The following IL18BP variants were observed in gnomAD, a reference collection of about 807,000 sequenced individuals.
The protein encoded by IL18BP is interleukin 18 binding protein.
A neutral mutation model predicts 19.9 loss-of-function variants in IL18BP; 23 were observed. The ratio of observed to expected loss-of-function variants is 1.15; its 90% confidence interval spans 0.83 to 1.64. The LOEUF (loss-of-function observed/expected upper bound fraction) is 1.64. Ranked by LOEUF, IL18BP falls within the 40% of genes most tolerant of loss-of-function variation. The pLI is 0.00. For synonymous variants in IL18BP, 107 were observed against 101.0 expected (o/e 1.06, Z -0.35); for missense variants, 239 against 240.7 (o/e 0.99, Z 0.05).
chr11:72,005,219 A>G (rs757631761), downstream of IL18BP: 1 of 1,572,888 alleles, frequency 6.4e-7, no homozygotes, highest in African/African-American at 1.4e-5. Flanking sequence ...CTGCACAGTG[A>G]CCCCAGGCCT....
Position 71,999,790 on chromosome 11 carries a change from A to AC in IL18BP, c.-58-130dup, listed in dbSNP as rs541026021. ...TGGGGTGGGGAAGGATTGTCACTTG[A>AC]CCCCCCCAGCTCTGTTTCTAAGTGC... On this transcript the variant is annotated intron_variant, in intron 1 of 5. Transcript: ENST00000393703. 5.4e-4 allele frequency: 320 copies of AC among 596,958 alleles called. 2 individuals are homozygous for AC. In the East Asian group the frequency reaches 6.0e-3, roughly 11 times the overall value. 37.0% of individuals were successfully genotyped at this position (596,958 alleles called of 1,614,324 possible). A position where few individuals can be genotyped will look rare whatever the true frequency, so the allele number is the denominator to read the frequency against.
downstream of IL18BP, chr11:72,003,199 G>A (rs1955379681): frequency 2.4e-6 from 1 of 419,714 alleles, no homozygotes; most frequent in Non-Finnish European, 4.4e-6. Context: ...AGGCTAAGAG[G>A]AAGACTGGCC....
chr11:72,003,057 G>A (rs576785706), downstream of IL18BP: 100 of 239,828 alleles, frequency 4.2e-4, no homozygotes, highest in African/African-American at 2.0e-3. Context: ...CTGGGAAAGA[G>A]CATCCTCTGG....
Position 72,001,474 on chromosome 11 carries a change from G to A in IL18BP, c.429G>A (p.Leu143=). ...ALVLEQLTPA[L]HSTNFSCVLV... is the part of the protein sequence containing the mutation. Reference sequence around the variant, plus strand: ...TGCTGGAGCAGCTGACCCCTGCCCTGCACAGCACCAACTTCTCCTGTGTGC... The same window carrying A: ...TGCTGGAGCAGCTGACCCCTGCCCTACACAGCACCAACTTCTCCTGTGTGC... Residue 143 remains leucine (L), a synonymous_variant, in exon 5 of 6, where the codon CTG becomes CTA. Coordinates refer to ENST00000393703, the MANE Select transcript of IL18BP (RefSeq NM_001039660.2). 1 of 1,614,134 alleles carries A rather than the reference G, an allele frequency of 6.2e-7. No homozygotes were observed. The highest frequency in any genetic ancestry group is 8.5e-7 in the Non-Finnish European group (1 of 1,180,002).
At chr11:72,007,172 T>C, downstream of IL18BP, 17 of 1,604,416 alleles carry the variant, frequency 1.1e-5, no homozygotes, top group East Asian at 2.2e-5. Context: ...CTGCAGCCCC[T>C]GTCCCAGCAG....
In IL18BP at chr11:72,001,336, AG is replaced by A; in HGVS notation, c.359+13del. ...GAGGGGAGCACCAGGTGAGGGTCGC[AG>A]CAGCCAGGTGGGTGGGAAGGAGGCC... On this transcript the variant is annotated intron_variant, in intron 4 of 5. Transcript: ENST00000393703. The A allele has an allele frequency of 6.2e-7, 1 of 1,614,232 alleles. No homozygotes were observed. The highest frequency in any genetic ancestry group is 8.5e-7 in the Non-Finnish European group (1 of 1,180,030).
downstream of IL18BP, chr11:72,004,479 C>T: frequency 8.3e-7 from 1 of 1,206,986 alleles, no homozygotes; most frequent in Non-Finnish European, 1.2e-6. Flanking sequence ...GGGCCAGATC[C>T]TTCCCTTCCC....
Position 71,998,966 on chromosome 11 carries a change from T to C in IL18BP, c.-112T>C. ...ACACAGCTAACTTGAGTCTTGGAGCTCCTAGAGGGAAGCTTCTGGAAAGGA... is the reference window on the plus strand; with the variant it reads ...ACACAGCTAACTTGAGTCTTGGAGCCCCTAGAGGGAAGCTTCTGGAAAGGA... On this transcript the variant is annotated 5_prime_UTR_variant, in exon 1 of 6. Coordinates refer to ENST00000393703, the MANE Select transcript of IL18BP (RefSeq NM_001039660.2). 1 of 280,008 alleles carries C rather than the reference T, an allele frequency of 3.6e-6. No individual in the cohort carries two copies. The highest frequency in any genetic ancestry group is 7.2e-6 in the Non-Finnish European group (1 of 138,376). The allele number at this position is 280,008 out of a possible 1,614,324, so 17.3% of individuals were successfully genotyped here. A position where few individuals can be genotyped will look rare whatever the true frequency, so the allele number is the denominator to read the frequency against.
In IL18BP at chr11:71,999,979, T is replaced by C; in HGVS notation, c.-6T>C. On this transcript the variant is annotated 5_prime_UTR_variant, in exon 2 of 6. The change abolishes an upstream ATG in the 5' untranslated region. Coordinates refer to ENST00000393703, the MANE Select transcript of IL18BP (RefSeq NM_001039660.2). ...GCCAGGCTCACCAGCTCCTGACGCATGCATCATGACCATGAGACACAACTG... is the reference window on the plus strand; with the variant it reads ...GCCAGGCTCACCAGCTCCTGACGCACGCATCATGACCATGAGACACAACTG... 2 of 1,613,892 alleles carry C rather than the reference T, an allele frequency of 1.2e-6. No homozygotes were observed. The highest frequency in any genetic ancestry group is 1.7e-6 in the Non-Finnish European group (2 of 1,179,810).
At chr11:72,004,608 C>G, downstream of IL18BP, 1 of 1,603,502 alleles carries the variant, frequency 6.2e-7, no homozygotes, top group Non-Finnish European at 8.5e-7. Context: ...GAGCACAGTG[C>G]TGGAGTAACA....
downstream of IL18BP, among the ~76,000 whole-genome samples, chr11:72,006,815 G>A (rs1955749588): frequency 6.6e-6 from 1 of 152,210 alleles, no homozygotes; most frequent in Non-Finnish European, 1.5e-5. Context: ...TGGAAACAAA[G>A]GCAAGGGCCT....
At chr11:72,004,738 T>C (rs757085599), downstream of IL18BP, 1 of 1,612,828 alleles carries the variant, frequency 6.2e-7, no homozygotes, top group South Asian at 1.1e-5. Flanking sequence ...ATTGGCTGCA[T>C]GCTGGCTCGG....
At chr11:72,005,826 A>C (rs1955647135), downstream of IL18BP, 1 of 579,038 alleles carries the variant, frequency 1.7e-6, no homozygotes, top group East Asian at 2.9e-5. Flanking sequence ...CCGGGCCCTT[A>C]ACTCTGGCTA....
downstream of IL18BP, chr11:72,003,989 G>C (rs780526297): frequency 2.5e-6 from 4 of 1,613,246 alleles, no homozygotes; most frequent in Non-Finnish European, 3.4e-6. Flanking sequence ...TGCGAGTGTT[G>C]GGGGAAGCCT....
chr11:72,003,518 ACTGG>A (rs1424391102), downstream of IL18BP: 1 of 1,614,042 alleles, frequency 6.2e-7, no homozygotes, highest in Non-Finnish European at 8.5e-7. Context: ...ACTCACTGGT[ACTGG>A]CCCTTTAGTG....
chr11:72,004,107 GA>G (rs1285224449), downstream of IL18BP: 1 of 1,613,086 alleles, frequency 6.2e-7, no homozygotes, highest in Admixed American at 1.7e-5. Flanking sequence ...AGCCTGCAAG[GA>G]AGGGCTGTCA....
downstream of IL18BP, chr11:72,007,132 T>C: frequency 3.8e-6 from 6 of 1,589,782 alleles, no homozygotes; most frequent in Non-Finnish European, 5.1e-6. Flanking sequence ...AGTGCAAAGA[T>C]GCCCTTGAGA....
Position 72,002,069 on chromosome 11 carries a change from C to G in IL18BP, c.*208C>G. 1 of 674,000 alleles carries G rather than the reference C, an allele frequency of 1.5e-6. No homozygotes were observed. The highest frequency in any genetic ancestry group is 2.6e-6 in the Non-Finnish European group (1 of 387,916). 41.8% of individuals were successfully genotyped at this position (674,000 alleles called of 1,614,324 possible). On this transcript the variant is annotated 3_prime_UTR_variant, in exon 6 of 6. Coordinates refer to ENST00000393703, the MANE Select transcript of IL18BP (RefSeq NM_001039660.2). ...CACAGCCTCCTTATAATGCCTCCTC[C>G]TCCTGCCATTCTCTCTCCACCTATC...
rs1955341167 is a variant in IL18BP, at chr11:72,002,743, A to C, written c.*882A>C. On this transcript the variant is annotated 3_prime_UTR_variant, in exon 6 of 6. Transcript: ENST00000393703. ...TGGAGAGTGGGAAGAGCCTGGAAAG[A>C]TGTGGCCTCAGGAAAAGGGATGAGA... 1.1e-5 allele frequency: 2 copies of C among 180,452 alleles called. No individual in the cohort carries two copies. 11.2% of individuals were successfully genotyped at this position (180,452 alleles called of 1,614,324 possible). A position where few individuals can be genotyped will look rare whatever the true frequency, so the allele number is the denominator to read the frequency against.
Sources: allele counts gnomAD v4.1 joint callset (sites outside exome capture counted in the v4.1 genomes callset), GRCh38; gene constraint gnomAD v4.1.1; transcripts MANE v1.5; gene names NCBI Gene and HGNC (gene_info 2026-07-23, HGNC 2026-07-21).